Variants in PTPN13 observed in about 807,000 individuals in gnomAD.
PTPN13 encodes protein tyrosine phosphatase non-receptor type 13.
In PTPN13, 191 loss-of-function variants were observed where a neutral mutation model predicts 284.0. The ratio of observed to expected loss-of-function variants is 0.67; its 90% CI spans 0.60 to 0.76. The LOEUF (loss-of-function observed/expected upper bound fraction) is 0.76, where lower values mean the gene tolerates loss of function less well. Among genes scored for constraint, PTPN13 ranks in the 30% least tolerant of loss-of-function variants. The pLI is 0.00. For synonymous variants in PTPN13, 986 were observed against 1,022.3 expected (o/e 0.96, Z 0.68); for missense variants, 2,797 against 2,939.9 (o/e 0.95, Z 1.12).
chr4:86,786,032 T>C, intron 40 of PTPN13, 96 bp downstream of exon 40: 1 of 602,154 alleles, frequency 1.7e-6, no homozygotes, highest in Non-Finnish European at 2.6e-6. Context: ...TTTCCTGTTT[T>C]ACTCAAAAAT....
At chr4:86,758,593 C>A in intron 21 of PTPN13, 85 bp from the exon 22 acceptor site, 1 of 1,186,720 alleles carries the variant, frequency 8.4e-7, no homozygotes. Context: ...TCAATAGTCC[C>A]CACATTTCTG....
intron 42 of PTPN13, among the ~76,000 whole-genome samples, chr4:86,802,146 A>AGTGTGTGTGTGTGT (rs55759778): frequency 7.4e-6 from 1 of 135,102 alleles, no homozygotes; most frequent in African/African-American, 2.6e-5. Context: ...TCAAGATTTT[A>AGTGTGTGTGTGTGT]GTGTGTGTGT....
intron 35 of PTPN13, 101 bp downstream of exon 35, chr4:86,775,753 T>A: frequency 4.2e-6 from 4 of 951,348 alleles, no homozygotes; most frequent in Non-Finnish European, 6.2e-6. Context: ...AATTAGTAAT[T>A]CATAGACTAA....
At chr4:86,655,732 T>C (rs1725716035) in intron 2 of PTPN13, among the ~76,000 whole-genome samples, 1 of 152,210 alleles carries the variant, frequency 6.6e-6, no homozygotes, top group Non-Finnish European at 1.5e-5. Context: ...GGAGTTGTTC[T>C]TCTCGAGGAG....
At chr4:86,689,470 A>T in intron 5 of PTPN13, 1 of 573,716 alleles carries the variant, frequency 1.7e-6, no homozygotes, top group Non-Finnish European at 3.1e-6. Context: ...TCTTTCTTAG[A>T]TCTTTTCCCA....
At chr4:86,656,607 C>T (rs1032413791) in intron 2 of PTPN13, among the ~76,000 whole-genome samples, 6 of 152,134 alleles carry the variant, frequency 3.9e-5, no homozygotes, top group East Asian at 1.9e-4. Flanking sequence ...GAGGAGTACC[C>T]GGCTGTGTGA....
chr4:86,698,018 T>C (rs1045780102), intron 6 of PTPN13, among the ~76,000 whole-genome samples: 2 of 152,220 alleles, frequency 1.3e-5, no homozygotes, highest in Admixed American at 1.3e-4. Flanking sequence ...AGTATATTTA[T>C]TGTTTGCCAT....
chr4:86,744,895 A>G (rs888501709), intron 16 of PTPN13, 71 bp from the exon 17 acceptor site: 6 of 1,145,036 alleles, frequency 5.2e-6, no homozygotes, highest in Non-Finnish European at 6.2e-6. Flanking sequence ...GTCAATATCC[A>G]GTGCCTAACA....
At chr4:86,812,343 C>T in intron 47 of PTPN13, among the ~76,000 whole-genome samples, 1 of 147,720 alleles carries the variant, frequency 6.8e-6, no homozygotes, top group East Asian at 2.0e-4. Flanking sequence ...AGGAACTCTT[C>T]TAGGTGCCTG....
chr4:86,689,650 C>G (rs1729817998), intron 5 of PTPN13: 1 of 702,362 alleles, frequency 1.4e-6, no homozygotes, highest in Non-Finnish European at 2.6e-6. Context: ...ACTTTCCCTT[C>G]TTCTCGGAAC....
intron 25 of PTPN13, among the ~76,000 whole-genome samples, chr4:86,765,029 C>T (rs563069895): frequency 2.6e-5 from 4 of 152,208 alleles, no homozygotes; most frequent in African/African-American, 4.8e-5. Context: ...ACAGTTTCTA[C>T]GTGAGCATAG....
At chr4:86,799,284 A>T in intron 42 of PTPN13, 80 bp downstream of exon 42, 2 of 808,030 alleles carry the variant, frequency 2.5e-6, no homozygotes, top group South Asian at 2.0e-5. Flanking sequence ...GACTATATGG[A>T]TATGCTGTTT....
intron 36 of PTPN13, among the ~76,000 whole-genome samples, chr4:86,781,817 G>A (rs930575467): frequency 6.6e-6 from 1 of 152,036 alleles, no homozygotes; most frequent in Non-Finnish European, 1.5e-5. Context: ...ATGAAAATTA[G>A]CTGGGCATGG....
At chr4:86,762,625 T>G in intron 23 of PTPN13, 102 bp from the exon 24 acceptor site, 2 of 917,526 alleles carry the variant, frequency 2.2e-6, no homozygotes, top group Non-Finnish European at 1.7e-6. Context: ...TTGTGTGTCA[T>G]CCTTATAAAA....
chr4:86,770,628 T>C (rs1349350981), intron 30 of PTPN13, among the ~76,000 whole-genome samples: 3 of 152,208 alleles, frequency 2.0e-5, no homozygotes, highest in Non-Finnish European at 2.9e-5. Flanking sequence ...TGAAACTCTC[T>C]TGATGAGCGT....
chr4:86,702,538 G>A (rs1205538775), intron 7 of PTPN13, among the ~76,000 whole-genome samples: 1 of 152,090 alleles, frequency 6.6e-6, no homozygotes, highest in Non-Finnish European at 1.5e-5. Context: ...TTATTAGTGT[G>A]AGTAATATAA....
At chr4:86,799,361 C>T (rs1157282407) in intron 42 of PTPN13, among the ~76,000 whole-genome samples, 157 bp downstream of exon 42, 2 of 147,438 alleles carry the variant, frequency 1.4e-5, no homozygotes, top group Non-Finnish European at 3.0e-5. Context: ...GCTGGGAGTC[C>T]AGTGGGGCGA....
intron 6 of PTPN13, among the ~76,000 whole-genome samples, chr4:86,697,488 A>G (rs1730700069): frequency 6.6e-6 from 1 of 152,166 alleles, no homozygotes; most frequent in Admixed American, 6.5e-5. Context: ...GATCTGTCAC[A>G]GAAGCTAAAG....
chr4:86,790,480 G>A (rs10009758), intron 40 of PTPN13, among the ~76,000 whole-genome samples: 15,154 of 152,110 alleles, frequency 0.1, 875 homozygotes, highest in Non-Finnish European at 0.11. Flanking sequence ...CACACAAATA[G>A]ATATGTAATT....
Sources: allele counts gnomAD v4.1 joint callset (sites outside exome capture counted in the v4.1 genomes callset), GRCh38; gene constraint gnomAD v4.1.1; transcripts MANE v1.5; gene names NCBI Gene and HGNC (gene_info 2026-07-23, HGNC 2026-07-21).